The following POU6F2 variants were observed in gnomAD, a reference collection of about 807,000 sequenced individuals.
The protein encoded by POU6F2 is POU domain, class 6, transcription factor 2.
A neutral mutation model predicts 71.3 loss-of-function variants in POU6F2; 31 were observed. That is an observed-to-expected ratio of 0.43 (90% confidence interval 0.33 to 0.59). The LOEUF (loss-of-function observed/expected upper bound fraction) is 0.59. POU6F2 is among the 20% of genes least tolerant of loss of function. The probability of loss-of-function intolerance (pLI) is 0.04; values close to 1 mark genes in which losing one functional copy is unlikely to be tolerated. For synonymous variants in POU6F2, 347 were observed against 355.7 expected (o/e 0.98, Z 0.27); for missense variants, 783 against 856.8 (o/e 0.91, Z 1.07).
At chr7:39,057,117 G>A (rs1265208071) in intron 1 of POU6F2, among the ~76,000 whole-genome samples, 1 of 152,074 alleles carries the variant, frequency 6.6e-6, no homozygotes, top group Non-Finnish European at 1.5e-5. Context: ...TCTCTCTTAA[G>A]TCTTTCCTTA....
At chr7:39,122,986 G>A (rs973625914) in intron 2 of POU6F2, among the ~76,000 whole-genome samples, 1 of 152,042 alleles carries the variant, frequency 6.6e-6, no homozygotes, top group African/African-American at 2.4e-5. Context: ...CACCGCACCC[G>A]GTGATATGGA....
intron 4 of POU6F2, among the ~76,000 whole-genome samples, chr7:39,237,632 A>G (rs539073628): frequency 1.3e-5 from 2 of 152,240 alleles, no homozygotes; most frequent in African/African-American, 4.8e-5. Flanking sequence ...ATTTTTATCC[A>G]TATAGGACTA....
At chr7:39,267,059 C>T (rs1005738779) in intron 4 of POU6F2, among the ~76,000 whole-genome samples, 15 of 152,248 alleles carry the variant, frequency 9.9e-5, no homozygotes, top group African/African-American at 3.6e-4. Flanking sequence ...TTATCACTAA[C>T]ATGACCAAGA....
chr7:39,340,917 A>C (rs1030382360), intron 5 of POU6F2, among the ~76,000 whole-genome samples: 11 of 152,354 alleles, frequency 7.2e-5, no homozygotes, highest in African/African-American at 2.6e-4. Flanking sequence ...TTGCACAATG[A>C]CATTTTTCCC....
rs781593396 is a variant in POU6F2 at position 39,464,526 on chromosome 7, A to C, written c.2003A>C (p.Glu668Ala). 1.9e-5 allele frequency: 31 copies of C among 1,613,492 alleles called. No homozygotes were observed. Among genetic ancestry groups the C allele is most frequent in the Non-Finnish European group, 2.6e-5 (31 of 1,179,736 alleles). ...NTHPSGQEMT[E>A]IAEKLNYDRE... ...CACCCTTCTGGGCAGGAAATGACCGAAATTGCTGAGAAGCTGAACTATGAC... is the reference window on the plus strand; with the variant it reads ...CACCCTTCTGGGCAGGAAATGACCGCAATTGCTGAGAAGCTGAACTATGAC... Residue 668 changes from glutamate (E) to alanine (A), a missense_variant, in exon 10 of 10, where the codon GAA (glutamate) becomes GCA (alanine). Physicochemically the swap from Glu to Ala is moderately radical, Grantham distance 107. This residue lies in a region of POU6F2 where 211 missense variants were observed against 283.9 expected (regional missense o/e 0.74). Transcript: ENST00000518318. This position sits in a 1 kb window ranked among gnomAD's most constrained non-coding sequence, Gnocchi z 4.1.
At chr7:39,005,484 C>CTGTGTGTGTGTGTGTGTGTG (rs56984287) in intron 1 of POU6F2, among the ~76,000 whole-genome samples, 6,561 of 126,478 alleles carry the variant, frequency 0.052, 371 homozygotes, top group Admixed American at 0.11. Flanking sequence ...AGGGAGAAAC[C>CTGTGTGTGTGTGTGTGTGTG]TGTGTGTGTG....
At chr7:38,978,332 T>C (rs1427293569) in intron 1 of POU6F2, among the ~76,000 whole-genome samples, 2 of 152,230 alleles carry the variant, frequency 1.3e-5, no homozygotes, top group African/African-American at 4.8e-5. Flanking sequence ...GAATGTTTCT[T>C]AAAAATCTAT....
At chr7:39,343,964 A>C (rs1023336529) in intron 5 of POU6F2, among the ~76,000 whole-genome samples, 1 of 152,180 alleles carries the variant, frequency 6.6e-6, no homozygotes, top group Non-Finnish European at 1.5e-5. Flanking sequence ...CATAAGTGGG[A>C]TAATGATAGC....
intron 9 of POU6F2, among the ~76,000 whole-genome samples, chr7:39,463,043 CAGA>C (rs1370292331): frequency 1.3e-5 from 2 of 152,192 alleles, no homozygotes; most frequent in African/African-American, 4.8e-5. Context: ...ACTCTGTAGT[CAGA>C]AGTTTTTCAA....
intron 1 of POU6F2, among the ~76,000 whole-genome samples, chr7:39,018,172 GA>G (rs529513129): frequency 3.3e-5 from 5 of 152,140 alleles, no homozygotes; most frequent in Non-Finnish European, 7.3e-5. Flanking sequence ...GAAATCTAGG[GA>G]TAGAACTGTC....
intron 2 of POU6F2, among the ~76,000 whole-genome samples, chr7:39,097,438 G>T (rs533508081): frequency 3.7e-4 from 56 of 152,044 alleles, no homozygotes; most frequent in Non-Finnish European, 6.5e-4. Flanking sequence ...ACTCTCTGTT[G>T]TCTCCACTTC....
chr7:39,242,552 G>T (rs116002108), intron 4 of POU6F2, among the ~76,000 whole-genome samples: 1 of 151,738 alleles, frequency 6.6e-6, no homozygotes, highest in African/African-American at 2.4e-5. Flanking sequence ...TTTTGGGGGG[G>T]GTCATGATAT....
At chr7:39,076,467 T>C in intron 1 of POU6F2, among the ~76,000 whole-genome samples, 1 of 152,174 alleles carries the variant, frequency 6.6e-6, no homozygotes, top group Non-Finnish European at 1.5e-5. Context: ...TTTACCTATG[T>C]AACAAACCTG....
chr7:39,402,968 T>C (rs1167574307), intron 5 of POU6F2, among the ~76,000 whole-genome samples: 1 of 152,210 alleles, frequency 6.6e-6, no homozygotes, highest in East Asian at 1.9e-4. Context: ...ATGCTAGGTA[T>C]TAATCTAAAA....
chr7:39,249,604 G>A (rs559635346), intron 4 of POU6F2, among the ~76,000 whole-genome samples: 3 of 152,264 alleles, frequency 2.0e-5, no homozygotes, highest in African/African-American at 7.2e-5. Flanking sequence ...AGCCAGTTGC[G>A]GTGTGAAATA....
At chr7:39,131,454 C>CGCTG (rs1406325583) in intron 2 of POU6F2, among the ~76,000 whole-genome samples, 1 of 152,198 alleles carries the variant, frequency 6.6e-6, no homozygotes, top group Non-Finnish European at 1.5e-5. Context: ...GGCGGTGGCA[C>CGCTG]GCTGCTGCTG....
intron 2 of POU6F2, among the ~76,000 whole-genome samples, chr7:39,087,045 A>G (rs1249375138): frequency 6.7e-6 from 1 of 149,560 alleles, no homozygotes; most frequent in Non-Finnish European, 1.5e-5. Flanking sequence ...TCAGGTAAGA[A>G]ACAGTCAAGC....
At chr7:39,087,143 T>TATTAATTA (rs61339985) in intron 2 of POU6F2, among the ~76,000 whole-genome samples, 9 of 89,352 alleles carry the variant, frequency 1.0e-4, no homozygotes, top group South Asian at 4.1e-4. Flanking sequence ...ACACAGGCTT[T>TATTAATTA]ATTAATTAAT....
chr7:39,372,615 A>T (rs1415282308), intron 5 of POU6F2, among the ~76,000 whole-genome samples: 1 of 152,188 alleles, frequency 6.6e-6, no homozygotes, highest in Non-Finnish European at 1.5e-5. Context: ...CAGTCTACCA[A>T]CTTAAATGTT....
Sources: gnomAD v4.1 joint callset for allele counts (sites outside exome capture counted in the v4.1 genomes callset) on GRCh38, gnomAD v4.1.1 for gene constraint, gnomAD v4.1.1 regional missense constraint, Gnocchi (gnomAD v3.1) non-coding constraint, MANE v1.5 for transcripts, NCBI Gene and HGNC (gene_info 2026-07-23, HGNC 2026-07-21) for gene names.